Variants in ZIM2 observed in about 807,000 individuals in gnomAD.
The protein encoded by ZIM2 is zinc finger imprinted 2, also known as zinc finger protein 656.
Under a neutral mutation model 38.6 loss-of-function variants are expected in ZIM2, and 14 were observed. That is an observed-to-expected ratio of 0.36 (90% confidence interval 0.24 to 0.57). ZIM2 has a LOEUF of 0.57. ZIM2 is among the 20% of genes least tolerant of loss of function. ZIM2 has a pLI of 0.81. For missense variants in ZIM2, 680 were observed against 695.1 expected (o/e 0.98, Z 0.24); for synonymous variants, 247 against 245.8 (o/e 1.00, Z -0.04).
At position 56,822,780 on chromosome 19, in the gene ZIM2, A is replaced by T; in HGVS notation, c.163T>A (p.Trp55Arg). Residue 55 changes from tryptophan to arginine, a missense_variant, in exon 6 of 13, where the codon TGG becomes AGG. By Grantham distance (101) the Trp-to-Arg change is moderately radical. Coordinates refer to ENST00000629319, the MANE Select transcript of ZIM2 (RefSeq NM_001387356.1). ...RSRDMEPRDR[W>R]SHTRNPRSRM... is the part of the protein sequence containing the mutation. ...CTTCTTGGGTTCCTGGTGTGGGACCAGCGGTCTCGTGGCTCCATGTCTCTG... is the reference window on the plus strand; with the variant it reads ...CTTCTTGGGTTCCTGGTGTGGGACCTGCGGTCTCGTGGCTCCATGTCTCTG... 1.9e-6 allele frequency: 3 copies of T among 1,614,166 alleles called. No individual in the cohort carries two copies. Among genetic ancestry groups the T allele is most frequent in the Non-Finnish European group, 2.5e-6 (3 of 1,180,026 alleles).
intron 9 of ZIM2, among the ~76,000 whole-genome samples, chr19:56,790,383 T>A (rs1188216998): frequency 1.3e-5 from 2 of 152,196 alleles, no homozygotes; most frequent in Non-Finnish European, 2.9e-5. Context: ...TAATGGAAAA[T>A]TCCAGAAATA....
intron 1 of ZIM2, among the ~76,000 whole-genome samples, chr19:56,837,518 C>T (rs1295615894): frequency 6.6e-6 from 1 of 152,236 alleles, no homozygotes; most frequent in Non-Finnish European, 1.5e-5. Context: ...TGCTCACTGA[C>T]CCAAGGCTGC....
chr19:56,810,404 T>A (rs1198133097), intron 9 of ZIM2: 1 of 985,204 alleles, frequency 1.0e-6, no homozygotes, highest in African/African-American at 1.7e-5. Context: ...TATTTCTTGT[T>A]TTTCATCTTT....
At chr19:56,787,358 C>T (rs1485551556) in intron 10 of ZIM2, among the ~76,000 whole-genome samples, 1 of 152,098 alleles carries the variant, frequency 6.6e-6, no homozygotes, top group Non-Finnish European at 1.5e-5. Flanking sequence ...TCACTGCAAC[C>T]TCTGCCTCCC....
At chr19:56,836,261 G>A (rs1305575447) in intron 1 of ZIM2, among the ~76,000 whole-genome samples, 157 bp from the exon 2 acceptor site, 7 of 152,080 alleles carry the variant, frequency 4.6e-5, no homozygotes, top group African/African-American at 7.2e-5. Context: ...GAATGGCCAC[G>A]GGTATAGCTC....
rs745816844 is a variant in ZIM2, at chr19:56,814,344, A to G, written c.490+3402T>C. The G allele has an allele frequency of 5.0e-6, 8 of 1,613,184 alleles. No individual in the cohort carries two copies. Among genetic ancestry groups the G allele is most frequent in the African/African-American group, 4.0e-5 (3 of 74,908 alleles). ...CAACTTCCTGGGCTGCTGCTGCTGC[A>G]GCTGCTGCTGCTTCATCTTCTTCTT... is the stretch of plus-strand genomic sequence containing the variant. On this transcript the variant is annotated intron_variant, in intron 9 of 12. Transcript: ENST00000629319. The surrounding 1 kb of genome is among the most constrained non-coding windows in gnomAD (Gnocchi z 5.8).
intron 10 of ZIM2, among the ~76,000 whole-genome samples, chr19:56,783,942 G>C (rs975664501): frequency 2.0e-5 from 3 of 152,176 alleles, no homozygotes; most frequent in Admixed American, 6.5e-5. Context: ...ACACGTGTAA[G>C]AAAATGCATA....
At chr19:56,831,813 T>C (rs1162593631) in intron 2 of ZIM2, among the ~76,000 whole-genome samples, 1 of 152,256 alleles carries the variant, frequency 6.6e-6, no homozygotes, top group Admixed American at 6.5e-5. Flanking sequence ...TTTGTTGCTA[T>C]TAATAAATCT....
At position 56,774,984 on chromosome 19, in the gene ZIM2, G is replaced by A. The variant is rs1362494313; in HGVS notation, c.1381C>T (p.His461Tyr). The A allele has an allele frequency of 1.2e-6, 2 of 1,614,096 alleles. No individual in the cohort carries two copies. Among genetic ancestry groups the A allele is most frequent in the African/African-American group, 1.3e-5 (1 of 74,926 alleles). The change falls in exon 13 of 13, where the codon CAT (histidine) becomes TAT (tyrosine). Residue 461 changes from histidine to tyrosine, a missense_variant. Physicochemically the swap from His to Tyr is moderately conservative, Grantham distance 83. Transcript: ENST00000629319. ...AFLQNVHLLQ[H>Y]LKAHEAARVL... is the part of the protein sequence containing the mutation. Reference sequence around the variant, plus strand: ...CTTGCTGCCTCATGGGCTTTGAGATGTTGAAGAAGATGCACATTCTGGAGA... The same window carrying A: ...CTTGCTGCCTCATGGGCTTTGAGATATTGAAGAAGATGCACATTCTGGAGA...
intron 7 of ZIM2, 77 bp from the exon 8 acceptor site, chr19:56,818,779 G>A: frequency 1.3e-6 from 2 of 1,511,576 alleles, no homozygotes; most frequent in East Asian, 4.5e-5. Flanking sequence ...TTGGCAACAT[G>A]GGAGTTACAT....
chr19:56,838,751 G>A (rs942639509), intron 1 of ZIM2, among the ~76,000 whole-genome samples: 31 of 152,180 alleles, frequency 2.0e-4, no homozygotes, highest in African/African-American at 7.5e-4. Context: ...AGTCCCACTG[G>A]CAAAACAGCC....
chr19:56,838,505 A>G (rs942749192), intron 1 of ZIM2, among the ~76,000 whole-genome samples: 1 of 152,072 alleles, frequency 6.6e-6, no homozygotes, highest in African/African-American at 2.4e-5. Flanking sequence ...CCCGCCTCGC[A>G]GCTCCCCCAC....
In ZIM2 at chr19:56,817,799, G is replaced by T. The variant is rs148655323; in HGVS notation, c.437C>A (p.Thr146Lys). ...CTTGGATCTTGATGAGTGGCCCTGC[G>T]TCATGTGGGAGTGGCCATCGTCTTC... is the stretch of plus-strand genomic sequence containing the variant. Reference protein sequence around the residue: ...LAEDDGHSHMTQGHSSRSKRS... With the variant: ...LAEDDGHSHMKQGHSSRSKRS... The change falls in exon 9 of 13, where the codon ACG (threonine) becomes AAG (lysine). Residue 146 changes from threonine to lysine, a missense_variant. Transcript: ENST00000629319. 6.2e-7 allele frequency: 1 copy of T among 1,613,956 alleles called. No individual in the cohort carries two copies. Among genetic ancestry groups the T allele is most frequent in the African/African-American group, 1.3e-5 (1 of 74,900 alleles).
chr19:56,831,809 G>C (rs1040313791), intron 2 of ZIM2, among the ~76,000 whole-genome samples: 4 of 152,158 alleles, frequency 2.6e-5, no homozygotes, highest in African/African-American at 9.7e-5. Context: ...TAACTTTGTT[G>C]CTATTAATAA....
intron 4 of ZIM2, 117 bp from the exon 5 acceptor site, chr19:56,823,796 C>T: frequency 8.1e-7 from 1 of 1,232,356 alleles, no homozygotes; most frequent in East Asian, 2.4e-5. Flanking sequence ...ATGACCTGAT[C>T]CTGACATTTC....
At chr19:56,816,065 C>A in intron 9 of ZIM2, 2 of 1,603,220 alleles carry the variant, frequency 1.2e-6, no homozygotes, top group South Asian at 2.2e-5. Flanking sequence ...GGCCCTGCTA[C>A]ACTGTGACTT....
chr19:56,779,277 T>TA (rs2046195850), intron 12 of ZIM2, 100 bp downstream of exon 12: 10 of 1,206,902 alleles, frequency 8.3e-6, no homozygotes, highest in Non-Finnish European at 1.2e-5. Flanking sequence ...AAAGGGCACC[T>TA]ACCAGACTTC....
At chr19:56,817,608 C>A (rs770957026) in intron 9 of ZIM2, 138 bp downstream of exon 9, 39 of 1,559,870 alleles carry the variant, frequency 2.5e-5, no homozygotes, top group Non-Finnish European at 1.6e-5. Context: ...TGTAAATACT[C>A]CCTAGTCCCC....
intron 10 of ZIM2, among the ~76,000 whole-genome samples, chr19:56,788,955 T>G (rs1264772570): frequency 6.6e-6 from 1 of 151,742 alleles, no homozygotes; most frequent in African/African-American, 2.4e-5. Flanking sequence ...TTGATACTTA[T>G]GTATGCTTCA....
Sources: allele counts gnomAD v4.1 joint callset (sites outside exome capture counted in the v4.1 genomes callset), GRCh38; gene constraint gnomAD v4.1.1; non-coding constraint Gnocchi (gnomAD v3.1); transcripts MANE v1.5; gene names NCBI Gene and HGNC (gene_info 2026-07-23, HGNC 2026-07-21).